AKAP12: variants seen among roughly 807,000 people sequenced by gnomAD.
The protein encoded by AKAP12 is A-kinase anchoring protein 12.
A neutral mutation model predicts 79.9 loss-of-function variants in AKAP12; 32 were observed. That is an observed-to-expected ratio of 0.40 (90% CI 0.30 to 0.54). The LOEUF is 0.54. Ranked by LOEUF, AKAP12 falls within the 20% of genes least tolerant of loss-of-function variation. The pLI is 0.48. For synonymous variants in AKAP12, 808 were observed against 857.0 expected, an observed-to-expected ratio of 0.94 and a Z score of 1.00; for missense variants, 2,074 against 2,177.0, an observed-to-expected ratio of 0.95 and a Z score of 0.94.
In AKAP12 at chr6:151,351,829, G is replaced by A. The variant is rs775182654; in HGVS notation, c.3438G>A (p.Gly1146=). 179 of 1,613,926 alleles carry A rather than the reference G, an allele frequency of 1.1e-4. No homozygotes were observed. The Admixed American group carries it at 2.9e-3, about 26-fold the overall frequency. The stretch of plus-strand genomic sequence containing the variant: ...CTTGTCAAGCCGAAACCTTAGCTGG[G>A]GTAAAATCACAGGAGATGGTGATGG... ...VTTCQAETLA[G]VKSQEMVMEQ... Residue 1146 remains glycine, a synonymous_variant, in exon 4 of 5, where the codon GGG becomes GGA. Transcript: ENST00000402676. The surrounding 1 kb of genome is among the most constrained non-coding windows in gnomAD (Gnocchi z 4.4).
chr6:151,325,710 G>A, intron 3 of AKAP12: 1 of 1,484,868 alleles, frequency 6.7e-7, no homozygotes, highest in Non-Finnish European at 8.9e-7. Context: ...GGCACCTCCG[G>A]TTCTCCCCCA....
Position 151,331,382 on chromosome 6 carries a change from G to T in AKAP12, c.320-17329G>T, listed in dbSNP as rs1198496878. ...AATAGTTTATACTCTTAAAAATAGG[G>T]TGAGAGGTGTTCAGTCCAGGAAGTA... is the stretch of plus-strand genomic sequence containing the variant. On this transcript the variant is annotated intron_variant, in intron 3 of 4. Coordinates refer to ENST00000402676, the MANE Select transcript of AKAP12 (RefSeq NM_005100.4). Among the ~76,000 whole-genome samples the T allele has an allele frequency of 4.6e-5, 7 of 152,038 alleles. No homozygotes were observed. The East Asian group carries it at 1.3e-3, about 29-fold the overall frequency.
At chr6:151,348,253 G>A (rs1778161410) in intron 3 of AKAP12, 2 of 415,162 alleles carry the variant, frequency 4.8e-6, no homozygotes, top group Non-Finnish European at 9.5e-6. Context: ...CTTGAACCTA[G>A]GACAGAGGTT....
At chr6:151,290,608 C>T (rs866941103) in intron 2 of AKAP12, among the ~76,000 whole-genome samples, 225 of 143,758 alleles carry the variant, frequency 1.6e-3, no homozygotes, top group African/African-American at 5.4e-3. Context: ...TCACCAGATT[C>T]TTTTTTTTTT....
At chr6:151,297,204 G>A (rs1263344636) in intron 2 of AKAP12, among the ~76,000 whole-genome samples, 1 of 145,176 alleles carries the variant, frequency 6.9e-6, no homozygotes, top group Non-Finnish European at 1.6e-5. Context: ...GTATGTGTAT[G>A]TGTGTGTGTG....
intron 3 of AKAP12, among the ~76,000 whole-genome samples, chr6:151,327,424 AT>A (rs1036905917): frequency 2.0e-5 from 3 of 151,936 alleles, no homozygotes; most frequent in Admixed American, 6.6e-5. Context: ...AAAAATCTCC[AT>A]TTTTTCCCCC....
intron 3 of AKAP12, among the ~76,000 whole-genome samples, chr6:151,347,329 T>A (rs1778126693): frequency 6.6e-6 from 1 of 152,254 alleles, no homozygotes; most frequent in Non-Finnish European, 1.5e-5. Flanking sequence ...ACATAGAATG[T>A]CCCCTTCTTT....
chr6:151,346,980 G>C (rs1198862927), intron 3 of AKAP12, among the ~76,000 whole-genome samples: 1 of 151,898 alleles, frequency 6.6e-6, no homozygotes, highest in Non-Finnish European at 1.5e-5. Context: ...TTTATTCAAT[G>C]TGTTGTAACC....
intron 3 of AKAP12, among the ~76,000 whole-genome samples, chr6:151,318,588 G>A (rs903375104): frequency 6.6e-6 from 1 of 152,110 alleles, no homozygotes. Flanking sequence ...GACTCTCCAC[G>A]TGAATCCGTT....
chr6:151,243,541 G>T (rs1797016607), intron 2 of AKAP12, among the ~76,000 whole-genome samples: 1 of 152,206 alleles, frequency 6.6e-6, no homozygotes, highest in Non-Finnish European at 1.5e-5. Context: ...ACGTTTAGAT[G>T]CACTAAAGCA....
At chr6:151,261,470 C>G (rs1048759097) in intron 2 of AKAP12, among the ~76,000 whole-genome samples, 3 of 151,966 alleles carry the variant, frequency 2.0e-5, no homozygotes, top group Non-Finnish European at 2.9e-5. Context: ...GCGGGTGGAT[C>G]AACTGAGGTC....
At chr6:151,321,002 T>C (rs1276353122) in intron 3 of AKAP12, among the ~76,000 whole-genome samples, 3 of 151,974 alleles carry the variant, frequency 2.0e-5, no homozygotes, top group Non-Finnish European at 4.4e-5. Flanking sequence ...CTTTTTTTTT[T>C]TTGAGAGGGA....
chr6:151,250,824 T>C lies in AKAP12; in HGVS notation c.162+10100T>C, dbSNP rs1038632751. ...GGTTTCACCGTGTTAGCCAGGATGG[T>C]CTCAATCTCCTGACCTCGTGATCCA... On this transcript the variant is annotated intron_variant, in intron 2 of 4. Transcript: ENST00000402676. Among the ~76,000 whole-genome samples the C allele has an allele frequency of 9.2e-5, 14 of 152,020 alleles. No homozygotes were observed. The East Asian group carries it at 2.4e-3, about 26-fold the overall frequency.
intron 2 of AKAP12, among the ~76,000 whole-genome samples, chr6:151,301,506 T>A (rs1776862145): frequency 6.6e-6 from 1 of 152,224 alleles, no homozygotes; most frequent in Non-Finnish European, 1.5e-5. Flanking sequence ...AACAACGGTA[T>A]GACTTATTTA....
chr6:151,260,095 T>G (rs1307960320), intron 2 of AKAP12, among the ~76,000 whole-genome samples: 1 of 152,174 alleles, frequency 6.6e-6, no homozygotes, highest in Non-Finnish European at 1.5e-5. Flanking sequence ...TATAGAAATA[T>G]AAACATACAG....
rs759391359 is a variant in AKAP12 at position 151,350,043 on chromosome 6, C to T, written c.1652C>T (p.Pro551Leu). Residue 551 changes from proline (P) to leucine (L), a missense_variant, in exon 4 of 5, where the codon CCA becomes CTA. By Grantham distance (98) the Pro-to-Leu change is moderately conservative (BLOSUM62 -3). Around this residue, in one of 3 missense-constraint regions of AKAP12, gnomAD observed 1,428 missense variants for 1,451.0 expected, o/e 0.98. Coordinates refer to ENST00000402676, the MANE Select transcript of AKAP12 (RefSeq NM_005100.4). This position sits in a 1 kb window ranked among gnomAD's most constrained non-coding sequence, Gnocchi z 4.8. Reference sequence around the variant, plus strand: ...GAATCAGGGGAGCACACTCAGGTTCCAGCCGATTCTCCGGACAGCCAGGAG... The same window carrying T: ...GAATCAGGGGAGCACACTCAGGTTCTAGCCGATTCTCCGGACAGCCAGGAG... ...DEESGEHTQV[P>L]ADSPDSQEEQ... is the part of the protein sequence containing the mutation. 2 of 1,614,056 alleles carry T rather than the reference C, an allele frequency of 1.2e-6. No homozygotes were observed. The highest frequency in any genetic ancestry group is 2.2e-5 in the East Asian group (1 of 44,850).
intron 2 of AKAP12, among the ~76,000 whole-genome samples, chr6:151,244,751 T>G (rs980828033): frequency 6.6e-6 from 1 of 152,242 alleles, no homozygotes; most frequent in Non-Finnish European, 1.5e-5. Flanking sequence ...GTGTGGCTAC[T>G]TGTATTCCTG....
rs762694949 is a variant in AKAP12, at chr6:151,350,120, A to G, written c.1729A>G (p.Thr577Ala). The G allele has an allele frequency of 1.9e-6, 3 of 1,614,044 alleles. No homozygotes were observed. The highest frequency in any genetic ancestry group is 2.5e-6 in the Non-Finnish European group (3 of 1,179,998). Residue 577 changes from threonine to alanine, a missense_variant, in exon 4 of 5, where the codon ACG (threonine) becomes GCG (alanine). Thr to Ala is a moderately conservative substitution (Grantham distance 58, BLOSUM62 0). This residue lies in a region of AKAP12 where 1,428 missense variants were observed against 1,451.0 expected (regional missense o/e 0.98). Transcript: ENST00000402676. This position sits in a 1 kb window ranked among gnomAD's most constrained non-coding sequence, Gnocchi z 4.8. ...ASSPEEPEEI[T>A]CLEKGLAEVQ... The stretch of plus-strand genomic sequence containing the variant: ...ATCCCCTGAGGAGCCCGAGGAGATC[A>G]CGTGTCTGGAAAAGGGCTTAGCCGA...
chr6:151,328,899 C>T (rs187151790), intron 3 of AKAP12, among the ~76,000 whole-genome samples: 1 of 152,132 alleles, frequency 6.6e-6, no homozygotes, highest in East Asian at 1.9e-4. Context: ...CTCCCCCCTG[C>T]CACACACACA....
Sources: allele counts gnomAD v4.1 joint callset (sites outside exome capture counted in the v4.1 genomes callset), GRCh38; gene constraint gnomAD v4.1.1; regional missense constraint gnomAD v4.1.1; non-coding constraint Gnocchi (gnomAD v3.1); transcripts MANE v1.5; gene names NCBI Gene and HGNC (gene_info 2026-07-23, HGNC 2026-07-21).